The following EPHA3 variants were observed in gnomAD, a reference collection of about 807,000 sequenced individuals.
EPHA3 encodes ephrin type-A receptor 3.
A neutral mutation model predicts 107.1 loss-of-function variants in EPHA3; 42 were observed. The observed-to-expected ratio is 0.39, with a 90% confidence interval of 0.31 to 0.51. The LOEUF (loss-of-function observed/expected upper bound fraction) is 0.51. Ranked by LOEUF, EPHA3 falls within the 20% of genes least tolerant of loss-of-function variation. The probability of loss-of-function intolerance (pLI) is 0.78; values close to 1 mark genes in which losing one functional copy is unlikely to be tolerated. For missense variants in EPHA3, 1,183 were observed against 1,211.2 expected, an observed-to-expected ratio of 0.98 and a Z score of 0.35; for synonymous variants, 461 against 424.8, an observed-to-expected ratio of 1.09 and a Z score of -1.05.
intron 15 of EPHA3, among the ~76,000 whole-genome samples, chr3:89,455,036 G>A (rs1710069410): frequency 6.6e-6 from 1 of 152,066 alleles, no homozygotes; most frequent in African/African-American, 2.4e-5. Flanking sequence ...ATTTTGAAAA[G>A]TCTTGCTTCT....
chr3:89,275,279 G>A (rs1705779824), intron 3 of EPHA3, among the ~76,000 whole-genome samples: 2 of 151,974 alleles, frequency 1.3e-5, no homozygotes, highest in Non-Finnish European at 2.9e-5. Flanking sequence ...ATCACTGACA[G>A]CTCCTAAAAT....
At chr3:89,117,855 T>C (rs1707292497) in intron 1 of EPHA3, among the ~76,000 whole-genome samples, 1 of 152,078 alleles carries the variant, frequency 6.6e-6, no homozygotes, top group Non-Finnish European at 1.5e-5. Flanking sequence ...TAGAGTTATA[T>C]ACAAACTGAG....
intron 3 of EPHA3, among the ~76,000 whole-genome samples, chr3:89,262,871 G>T (rs922859710): frequency 1.3e-5 from 2 of 151,694 alleles, no homozygotes; most frequent in South Asian, 4.2e-4. Flanking sequence ...CCTTTTGGGC[G>T]CCTGCAGGAG....
At chr3:89,307,285 C>T (rs1706646305) in intron 3 of EPHA3, among the ~76,000 whole-genome samples, 1 of 152,010 alleles carries the variant, frequency 6.6e-6, no homozygotes, top group Non-Finnish European at 1.5e-5. Flanking sequence ...TTTGGGGAAG[C>T]CTTAAGATTT....
intron 2 of EPHA3, among the ~76,000 whole-genome samples, chr3:89,207,845 A>G (rs1706143435): frequency 6.6e-6 from 1 of 152,190 alleles, no homozygotes; most frequent in African/African-American, 2.4e-5. Context: ...TGCATATGCC[A>G]AAAGGTGAAG....
intron 2 of EPHA3, among the ~76,000 whole-genome samples, chr3:89,154,873 T>C (rs979092653): frequency 6.8e-6 from 1 of 148,022 alleles, no homozygotes; most frequent in Admixed American, 6.8e-5. Flanking sequence ...TCTAAGAACA[T>C]ATATATATAA....
intron 15 of EPHA3, among the ~76,000 whole-genome samples, chr3:89,454,172 T>G (rs1352814230): frequency 6.6e-6 from 1 of 152,140 alleles, no homozygotes; most frequent in East Asian, 1.9e-4. Context: ...CTGGAAAATT[T>G]AGGTGATATT....
intron 13 of EPHA3, among the ~76,000 whole-genome samples, chr3:89,435,654 T>A (rs1188611790): frequency 6.8e-6 from 1 of 147,480 alleles, no homozygotes; most frequent in South Asian, 2.1e-4. Context: ...TGTGTGTATA[T>A]GTATTAAAAT....
chr3:89,315,677 G>T (rs554180097), intron 3 of EPHA3, among the ~76,000 whole-genome samples: 2 of 151,268 alleles, frequency 1.3e-5, no homozygotes, highest in Non-Finnish European at 1.5e-5. Context: ...GTTCTGAAAG[G>T]GTTCTTTTTC....
At chr3:89,298,194 A>T (rs2107341338) in intron 3 of EPHA3, among the ~76,000 whole-genome samples, 1 of 152,268 alleles carries the variant, frequency 6.6e-6, no homozygotes, top group South Asian at 2.1e-4. Context: ...CCCTGACCTC[A>T]GGAGATTTGG....
At chr3:89,204,961 G>A (rs539135232) in intron 2 of EPHA3, among the ~76,000 whole-genome samples, 40 of 152,224 alleles carry the variant, frequency 2.6e-4, no homozygotes, top group Non-Finnish European at 4.0e-4. Context: ...TTTGTAAAGC[G>A]CAGAAATTGG....
chr3:89,412,768 T>C (rs1559686470), intron 9 of EPHA3, among the ~76,000 whole-genome samples: 2 of 151,828 alleles, frequency 1.3e-5, no homozygotes, highest in Admixed American at 6.6e-5. Context: ...ATTTGTGTAA[T>C]CATAAATATG....
chr3:89,168,280 C>T (rs1177684025), intron 2 of EPHA3, among the ~76,000 whole-genome samples: 4 of 152,088 alleles, frequency 2.6e-5, no homozygotes, highest in Non-Finnish European at 5.9e-5. Flanking sequence ...GAATTGAATA[C>T]TTCTTGTGCC....
chr3:89,111,608 A>T (rs1707112260), intron 1 of EPHA3, among the ~76,000 whole-genome samples: 1 of 149,540 alleles, frequency 6.7e-6, no homozygotes, highest in Non-Finnish European at 1.5e-5. Flanking sequence ...TTAACACTTG[A>T]CCTAGGTCAT....
chr3:89,288,374 G>A (rs1237564341), intron 3 of EPHA3, among the ~76,000 whole-genome samples: 3 of 152,068 alleles, frequency 2.0e-5, no homozygotes, highest in Non-Finnish European at 4.4e-5. Flanking sequence ...GAGCTATGAT[G>A]CTGTATAATG....
intron 11 of EPHA3, among the ~76,000 whole-genome samples, chr3:89,427,435 GA>G (rs1231055714): frequency 6.6e-6 from 1 of 151,806 alleles, no homozygotes; most frequent in Admixed American, 6.6e-5. Context: ...CACATAGGAG[GA>G]AAAGTTGTGT....
intron 13 of EPHA3, among the ~76,000 whole-genome samples, chr3:89,432,921 A>G (rs1468599604): frequency 6.6e-6 from 1 of 152,222 alleles, no homozygotes; most frequent in East Asian, 1.9e-4. Context: ...ATGATTAAAT[A>G]TTTTTACAAT....
intron 3 of EPHA3, among the ~76,000 whole-genome samples, chr3:89,232,047 TA>T (rs1472357104): frequency 2.6e-5 from 4 of 152,090 alleles, no homozygotes; most frequent in African/African-American, 9.7e-5. Flanking sequence ...AGAGATTCTT[TA>T]TGTAACTCAC....
chr3:89,413,306 TG>T lies in EPHA3; in HGVS notation c.1888+41del, dbSNP rs377310594. 169 of 1,609,232 alleles carry T rather than the reference TG, an allele frequency of 1.1e-4. 2 individuals carry two copies. The East Asian group carries it at 3.4e-3, about 33-fold the overall frequency. On this transcript the variant is annotated intron_variant, in intron 10 of 16. Coordinates refer to ENST00000336596, the MANE Select transcript of EPHA3 (RefSeq NM_005233.6). ...CCTACTGCCAACTTAGTACTGTATG[TG>T]AATCACGATTGCTCAGTCTCTGAAA... is the stretch of plus-strand genomic sequence containing the variant.
Sources: gnomAD v4.1 joint callset for allele counts (sites outside exome capture counted in the v4.1 genomes callset) on GRCh38, gnomAD v4.1.1 for gene constraint, MANE v1.5 for transcripts, NCBI Gene and HGNC (gene_info 2026-07-23, HGNC 2026-07-21) for gene names.